CASK: variants seen among roughly 807,000 people sequenced by gnomAD.
The protein encoded by CASK is calcium/calmodulin dependent serine protein kinase, also known as peripheral plasma membrane protein CASK.
In CASK, 4 loss-of-function variants were observed where a neutral mutation model predicts 82.9. That is an observed-to-expected ratio of 0.05 (90% confidence interval 0.02 to 0.11). CASK has a LOEUF of 0.11. Among genes scored for constraint, CASK ranks in the 10% least tolerant of loss-of-function variants. CASK has a pLI of 1.00. For synonymous variants in CASK, 259 were observed against 253.5 expected, an observed-to-expected ratio of 1.02 and a Z score of -0.20; for missense variants, 358 against 720.9, an observed-to-expected ratio of 0.50 and a Z score of 5.76.
intron 2 of CASK, among the ~76,000 whole-genome samples, chrX:41,814,293 A>C (rs965732776): frequency 6.3e-5 from 7 of 111,678 alleles, no homozygotes; most frequent in African/African-American, 2.3e-4. Flanking sequence ...CACATGCACA[A>C]GTATGTTTAT....
chrX:41,778,419 T>C (rs918744454), intron 3 of CASK, among the ~76,000 whole-genome samples: 1 of 110,403 alleles, frequency 9.1e-6, no homozygotes, highest in Non-Finnish European at 1.9e-5. Flanking sequence ...TTAGTAGTGA[T>C]AGGGTTTCAC....
chrX:41,885,630 T>C (rs917977127), intron 1 of CASK, among the ~76,000 whole-genome samples: 2 of 112,077 alleles, frequency 1.8e-5, no homozygotes, highest in Non-Finnish European at 3.8e-5. Context: ...TTAGCATAAA[T>C]AATTTGCCAC....
At chrX:41,607,502 G>A (rs17146075) in intron 12 of CASK, among the ~76,000 whole-genome samples, 2,974 of 112,184 alleles carry the variant, frequency 0.027, 103 homozygotes, top group African/African-American at 0.091. Flanking sequence ...GCACTAACTA[G>A]TTCTAGTAAA....
At chrX:41,898,541 ATCTT>A (rs1234110408) in intron 1 of CASK, among the ~76,000 whole-genome samples, 1 of 109,618 alleles carries the variant, frequency 9.1e-6, no homozygotes, top group Non-Finnish European at 1.9e-5. Context: ...TCTATTTGAG[ATCTT>A]TCTTTTTTCT....
chrX:41,605,956 G>C (rs2065954595), intron 12 of CASK, among the ~76,000 whole-genome samples: 3 of 111,842 alleles, frequency 2.7e-5, no homozygotes, highest in African/African-American at 9.8e-5. Flanking sequence ...TGAGATTATA[G>C]AAGTGAGCCA....
chrX:41,676,770 G>C (rs1036653683), intron 5 of CASK, among the ~76,000 whole-genome samples: 3 of 112,782 alleles, frequency 2.7e-5, no homozygotes, highest in Non-Finnish European at 5.6e-5. Context: ...AGTTGCACAG[G>C]CAAGAGAAGA....
chrX:41,695,755 C>G (rs1352379674), intron 5 of CASK: 1 of 1,208,992 alleles, frequency 8.3e-7, no homozygotes. Context: ...TCAGCAACAC[C>G]AAATGTTACT....
chrX:41,563,356 CA>C (rs746081703), intron 16 of CASK, among the ~76,000 whole-genome samples: 182 of 15,137 alleles, frequency 0.012, no homozygotes, highest in East Asian at 0.039. Flanking sequence ...GACCCTGTCT[CA>C]AAAAAAAAAA....
At chrX:41,603,597 AAATT>A (rs1326488228) in intron 12 of CASK, among the ~76,000 whole-genome samples, 6 of 112,584 alleles carry the variant, frequency 5.3e-5, no homozygotes, top group Non-Finnish European at 9.4e-5. Flanking sequence ...AAAGACTCCT[AAATT>A]AATTGCTACT....
chrX:41,698,988 G>A (rs780283513), intron 5 of CASK, among the ~76,000 whole-genome samples: 2 of 111,089 alleles, frequency 1.8e-5, no homozygotes, highest in South Asian at 7.6e-4. Context: ...GTACAGTGGC[G>A]TGATCTTAGC....
intron 2 of CASK, among the ~76,000 whole-genome samples, chrX:41,795,923 A>G (rs1306772682): frequency 9.0e-6 from 1 of 111,121 alleles, no homozygotes; most frequent in African/African-American, 3.3e-5. Flanking sequence ...CATTCTAGAT[A>G]ATGGTTTATT....
intron 11 of CASK, among the ~76,000 whole-genome samples, chrX:41,615,301 G>GC (rs917632674): frequency 7.5e-4 from 82 of 109,431 alleles, no homozygotes; most frequent in African/African-American, 2.2e-3. Flanking sequence ...TGTTCAGAGT[G>GC]CCCCCCCCTC....
chrX:41,673,761 G>A (rs1375434510), intron 5 of CASK, among the ~76,000 whole-genome samples: 2 of 108,441 alleles, frequency 1.8e-5, no homozygotes, highest in South Asian at 4.2e-4. Flanking sequence ...GGGGCAGAGC[G>A]GTGGGAAATG....
chrX:41,888,948 TA>T (rs1379719433), intron 1 of CASK, among the ~76,000 whole-genome samples: 2 of 109,730 alleles, frequency 1.8e-5, no homozygotes, highest in East Asian at 5.7e-4. Context: ...TGTGCTGCTA[TA>T]AACGTGTGTG....
rs1440155106 is a variant in CASK at position 41,519,528 on chromosome X, C to T, written c.*892G>A. On this transcript the variant is annotated 3_prime_UTR_variant, in exon 27 of 27. Coordinates refer to ENST00000378163, the MANE Select transcript of CASK (RefSeq NM_001367721.1). The stretch of plus-strand genomic sequence containing the variant: ...AACAAATTAAATTGAGACAAAATTA[C>T]AAACACATTTCACTACATGATTATT... 2 of 111,178 alleles carry T rather than the reference C, an allele frequency of 1.8e-5. No homozygotes were observed. The highest frequency in any genetic ancestry group is 6.5e-5 in the African/African-American group (2 of 30,576). The allele number at this position is 111,178 out of a possible 1,213,427, so 9.2% of individuals were successfully genotyped here.
chrX:41,587,278 C>T (rs1445221601), intron 13 of CASK: 1 of 187,223 alleles, frequency 5.3e-6, no homozygotes, highest in East Asian at 1.2e-4. Context: ...ATTTATGAAA[C>T]TTAACGGAAG....
chrX:41,696,881 A>C, intron 5 of CASK: 28 of 485,156 alleles, frequency 5.8e-5, no homozygotes, highest in Non-Finnish European at 9.3e-5. Flanking sequence ...CTCAGATCTC[A>C]AAGCTCTGCT....
intron 12 of CASK, 168 bp from the exon 13 acceptor site, chrX:41,589,760 C>G (rs1417879377): frequency 2.2e-6 from 1 of 445,764 alleles, no homozygotes; most frequent in Non-Finnish European, 3.9e-6. Context: ...TGAAACTTGT[C>G]AGAATATGAG....
chrX:41,840,399 G>C (rs1021118928), intron 2 of CASK, among the ~76,000 whole-genome samples: 4 of 112,147 alleles, frequency 3.6e-5, no homozygotes, highest in Non-Finnish European at 7.5e-5. Flanking sequence ...ATGTAAGAAA[G>C]CGATAGACTT....
Sources: allele counts gnomAD v4.1 joint callset (sites outside exome capture counted in the v4.1 genomes callset), GRCh38; gene constraint gnomAD v4.1.1; transcripts MANE v1.5; gene names NCBI Gene and HGNC (gene_info 2026-07-23, HGNC 2026-07-21).